EXT1: variants seen among roughly 807,000 people sequenced by gnomAD.
EXT1 encodes exostosin glycosyltransferase 1.
EXT1 carries 20 observed loss-of-function variants against 82.5 expected under a neutral mutation model. The ratio of observed to expected loss-of-function variants is 0.24; its 90% CI spans 0.17 to 0.35. EXT1 has a LOEUF of 0.35. EXT1 is among the 10% of genes least tolerant of loss of function. EXT1 has a pLI of 1.00. For missense variants in EXT1, 757 were observed against 936.5 expected (o/e 0.81, Z 2.50); for synonymous variants, 348 against 350.8 (o/e 0.99, Z 0.09).
chr8:118,111,654 C>G lies in EXT1; in HGVS notation c.-608G>C, dbSNP rs1254682260. On this transcript the variant is annotated 5_prime_UTR_variant, in exon 1 of 11. Coordinates refer to ENST00000378204, the MANE Select transcript of EXT1 (RefSeq NM_000127.3). ...AAGACTCCGGCGGTGTTTACTCCTG[C>G]GCTCGCGGGGCCGGCCCCCGGGACG... is the stretch of plus-strand genomic sequence containing the variant. 7.9e-6 allele frequency: 3 copies of G among 381,040 alleles called. No homozygotes were observed. The highest frequency in any genetic ancestry group is 6.2e-5 in the African/African-American group (3 of 48,176). 23.6% of individuals were successfully genotyped at this position (381,040 alleles called of 1,614,324 possible).
At chr8:117,827,368 A>G (rs1437384748) in intron 4 of EXT1, among the ~76,000 whole-genome samples, 1 of 152,222 alleles carries the variant, frequency 6.6e-6, no homozygotes, top group African/African-American at 2.4e-5. Context: ...AAGTAAATAG[A>G]AGTTCACAAT....
intron 1 of EXT1, among the ~76,000 whole-genome samples, chr8:118,103,009 C>T (rs1009261300): frequency 3.9e-5 from 6 of 152,210 alleles, no homozygotes; most frequent in Non-Finnish European, 7.4e-5. Context: ...CAAAATTAGC[C>T]GAGTGTGGTG....
At position 117,846,362 on chromosome 8, in the gene EXT1, C is replaced by T. The variant is rs17503579; in HGVS notation, c.963-9161G>A. Among the ~76,000 whole-genome samples, 544 of 152,282 alleles carry T rather than the reference C, an allele frequency of 3.6e-3. 1 individual carries two copies. Among genetic ancestry groups the T allele is most frequent in the African/African-American group, 0.012 (505 of 41,570 alleles). The stretch of plus-strand genomic sequence containing the variant: ...GCCTCAAGTGATACACCTGCCTCGG[C>T]CTCCCAAAGTGTTGGGATTATAGGC... On this transcript the variant is annotated intron_variant, in intron 1 of 10. Coordinates refer to ENST00000378204, the MANE Select transcript of EXT1 (RefSeq NM_000127.3).
At chr8:117,850,075 T>G (rs766350282) in intron 1 of EXT1, among the ~76,000 whole-genome samples, 4 of 152,204 alleles carry the variant, frequency 2.6e-5, no homozygotes, top group African/African-American at 4.8e-5. Flanking sequence ...ATCAGTCTGT[T>G]TTTAGAGTAT....
At chr8:118,071,022 C>T (rs1817081731) in intron 1 of EXT1, among the ~76,000 whole-genome samples, 1 of 152,060 alleles carries the variant, frequency 6.6e-6, no homozygotes, top group African/African-American at 2.4e-5. Flanking sequence ...CTTTTATGAA[C>T]AAAACAGCCT....
intron 1 of EXT1, among the ~76,000 whole-genome samples, chr8:117,980,270 C>G (rs1007280965): frequency 2.0e-5 from 3 of 152,034 alleles, no homozygotes; most frequent in African/African-American, 4.8e-5. Flanking sequence ...CATCCTCGTC[C>G]TTCCCCCTCT....
At position 117,799,797 on chromosome 8, in the gene EXT1, T is replaced by A. The variant is rs751787859; in HGVS notation, c.2156A>T (p.His719Leu). 6.2e-7 allele frequency: 1 copy of A among 1,613,838 alleles called. No individual in the cohort carries two copies. Among genetic ancestry groups the A allele is most frequent in the East Asian group, 2.2e-5 (1 of 44,858 alleles). ...ASWFGYMPLI[H>L]SQMRLDPVLF... The stretch of plus-strand genomic sequence containing the variant: ...GACGGGGTCGAGCCTCATCTGAGAG[T>A]GGATCAGCGGCATGTAGCCAAACCA... Residue 719 changes from histidine (H) to leucine (L), a missense_variant, in exon 11 of 11, where the codon CAC becomes CTC. His to Leu is a moderately conservative substitution (Grantham distance 99, BLOSUM62 -3). This residue lies in a region of EXT1 where 128 missense variants were observed against 223.2 expected (regional missense o/e 0.57). Transcript: ENST00000378204.
intron 1 of EXT1, among the ~76,000 whole-genome samples, chr8:117,884,003 G>C (rs985837989): frequency 6.6e-6 from 1 of 152,184 alleles, no homozygotes; most frequent in Non-Finnish European, 1.5e-5. Context: ...GGGATTTGGA[G>C]AGAGTCGGAG....
At position 118,026,761 on chromosome 8, in the gene EXT1, C is replaced by T. The variant is rs1475677291; in HGVS notation, c.962+83324G>A. The stretch of plus-strand genomic sequence containing the variant: ...AAACAACCATCAGTCACTGATTCAC[C>T]GGACTGCCTGGGCCATGTCCAGCTC... On this transcript the variant is annotated intron_variant, in intron 1 of 10. Transcript: ENST00000378204. Among the ~76,000 whole-genome samples, 6 of 152,256 alleles carry T rather than the reference C, an allele frequency of 3.9e-5. 1 individual carries two copies. In the South Asian group the frequency reaches 6.2e-4, roughly 16 times the overall value.
At position 117,982,892 on chromosome 8, in the gene EXT1, G is replaced by A. The variant is rs149401470; in HGVS notation, c.962+127193C>T. On this transcript the variant is annotated intron_variant, in intron 1 of 10. Coordinates refer to ENST00000378204, the MANE Select transcript of EXT1 (RefSeq NM_000127.3). Reference sequence around the variant, plus strand: ...AATATACCATGATATGAAAATCTTAGGGACTATAGAGTTCTGCCTACCATT... The same window carrying A: ...AATATACCATGATATGAAAATCTTAAGGACTATAGAGTTCTGCCTACCATT... 7.6e-3 allele frequency among the ~76,000 whole-genome samples: 1,154 copies of A among 152,200 alleles called. 15 individuals carry two copies. The highest frequency in any genetic ancestry group is 0.026 in the African/African-American group (1,060 of 41,514).
intron 3 of EXT1, 61 bp from the exon 4 acceptor site, chr8:117,830,410 A>T: frequency 6.3e-7 from 1 of 1,591,698 alleles, no homozygotes; most frequent in Non-Finnish European, 8.6e-7. Context: ...GCACTTGATC[A>T]AAATAACCCA....
At chr8:117,948,682 G>A (rs1814434933) in intron 1 of EXT1, among the ~76,000 whole-genome samples, 1 of 152,236 alleles carries the variant, frequency 6.6e-6, no homozygotes, top group Admixed American at 6.5e-5. Flanking sequence ...AATCCTTTGA[G>A]TGTGGTTTCT....
intron 1 of EXT1, among the ~76,000 whole-genome samples, chr8:118,101,050 A>ACC (rs1487855791): frequency 2.6e-5 from 4 of 152,124 alleles, no homozygotes; most frequent in Non-Finnish European, 4.4e-5. Context: ...AACTAAATGA[A>ACC]CCTCTGTTGT....
chr8:117,860,584 T>C (rs1040662874), intron 1 of EXT1, among the ~76,000 whole-genome samples: 1 of 152,262 alleles, frequency 6.6e-6, no homozygotes, highest in Non-Finnish European at 1.5e-5. Context: ...AGGGACTATC[T>C]GCGGTTGCAA....
chr8:118,059,964 A>G (rs1242707386), intron 1 of EXT1, among the ~76,000 whole-genome samples: 1 of 152,188 alleles, frequency 6.6e-6, no homozygotes, highest in African/African-American at 2.4e-5. Context: ...CAAAGAACAC[A>G]TTTCTTTACT....
intron 1 of EXT1, among the ~76,000 whole-genome samples, chr8:117,888,964 C>A (rs563752303): frequency 6.6e-6 from 1 of 152,288 alleles, no homozygotes; most frequent in Admixed American, 6.5e-5. Flanking sequence ...TGATGATATT[C>A]CTACGGTCAA....
Position 117,975,309 on chromosome 8 carries a change from A to G in EXT1, c.962+134776T>C, listed in dbSNP as rs190952794. Among the ~76,000 whole-genome samples, 248 of 152,332 alleles carry G rather than the reference A, an allele frequency of 1.6e-3. 1 individual carries two copies. The highest frequency in any genetic ancestry group is 5.6e-3 in the African/African-American group (231 of 41,592). ...TGGTGTGGTTTGAAAATTAGCTCTA[A>G]AAGTCATTCCAAAAGAGGCATTCCA... On this transcript the variant is annotated intron_variant, in intron 1 of 10. Transcript: ENST00000378204.
chr8:117,838,572 A>G (rs1812223461), intron 1 of EXT1, among the ~76,000 whole-genome samples: 1 of 152,198 alleles, frequency 6.6e-6, no homozygotes, highest in African/African-American at 2.4e-5. Context: ...CCCTTGCTGC[A>G]TTAATTAAAT....
At chr8:118,000,934 G>A (rs576775415) in intron 1 of EXT1, among the ~76,000 whole-genome samples, 9 of 152,208 alleles carry the variant, frequency 5.9e-5, no homozygotes, top group South Asian at 2.1e-4. Context: ...TATGCTAGAC[G>A]AGGAGAGCTG....
Sources: gnomAD v4.1 joint callset for allele counts (sites outside exome capture counted in the v4.1 genomes callset) on GRCh38, gnomAD v4.1.1 for gene constraint, gnomAD v4.1.1 regional missense constraint, MANE v1.5 for transcripts, NCBI Gene and HGNC (gene_info 2026-07-23, HGNC 2026-07-21) for gene names.